Variants in RUFY1 observed in about 807,000 individuals in gnomAD.
RUFY1 encodes the protein RUN and FYVE domain-containing protein 1.
In RUFY1, 54 loss-of-function variants were observed where a neutral mutation model predicts 94.6. The observed-to-expected ratio is 0.57, with a 90% CI of 0.46 to 0.72. The LOEUF is 0.72. RUFY1 is among the 30% of genes least tolerant of loss of function. The pLI, the probability that RUFY1 is intolerant of heterozygous loss-of-function variation, is 0.00. For missense variants in RUFY1, 883 were observed against 883.9 expected, an observed-to-expected ratio of 1.00 and a Z score of 0.01; for synonymous variants, 396 against 347.3, an observed-to-expected ratio of 1.14 and a Z score of -1.56.
chr5:179,560,644 T>A (rs545407339), intron 2 of RUFY1, among the ~76,000 whole-genome samples: 38 of 144,432 alleles, frequency 2.6e-4, no homozygotes, highest in Non-Finnish European at 5.1e-4. Flanking sequence ...GAGAATGGCG[T>A]GATCCCGGGA....
At chr5:179,563,956 GC>G (rs1346837277) in intron 3 of RUFY1, among the ~76,000 whole-genome samples, 1 of 151,166 alleles carries the variant, frequency 6.6e-6, no homozygotes, top group East Asian at 2.0e-4. Flanking sequence ...ACAGGCGTGA[GC>G]CACCACACCC....
At chr5:179,563,171 T>G (rs1455631123) in intron 3 of RUFY1, among the ~76,000 whole-genome samples, 1 of 152,168 alleles carries the variant, frequency 6.6e-6, no homozygotes, top group Non-Finnish European at 1.5e-5. Flanking sequence ...AGAAAGGGTC[T>G]TAGGGATCCT....
intron 17 of RUFY1, 92 bp from the exon 18 acceptor site, chr5:179,609,284 G>A (rs1055089271): frequency 1.9e-4 from 259 of 1,355,640 alleles, no homozygotes; most frequent in Non-Finnish European, 2.4e-4. Flanking sequence ...CCCATTCCCA[G>A]CAAATGATGC....
At chr5:179,596,760 C>T (rs1235604303) in intron 13 of RUFY1, 79 bp downstream of exon 13, 6 of 936,100 alleles carry the variant, frequency 6.4e-6, no homozygotes, top group Non-Finnish European at 8.1e-6. Flanking sequence ...TGGTATCCTG[C>T]TTCAGCACGA....
At chr5:179,607,762 C>T (rs557847994) in intron 17 of RUFY1, 103 bp downstream of exon 17, 50 of 1,000,118 alleles carry the variant, frequency 5.0e-5, no homozygotes, top group Non-Finnish European at 6.1e-5. Context: ...GCTCACTGCC[C>T]GGTGACTGTG....
In RUFY1 at chr5:179,580,987, G is replaced by A. The variant is rs1764110645; in HGVS notation, c.931G>A (p.Val311Met). The change falls in exon 7 of 18, where the codon GTG becomes ATG. Residue 311 changes from valine to methionine, a missense_variant. Val to Met is a conservative substitution (Grantham distance 21). Transcript: ENST00000319449. ...TGATGTCCTTGATCAAAAAAATTAT[G>A]TGGAAGAACTTAACCGGCACTTGAG... ...ITDVLDQKNY[V>M]EELNRHLSCT... 6.2e-7 allele frequency: 1 copy of A among 1,608,658 alleles called. No individual in the cohort carries two copies. The highest frequency in any genetic ancestry group is 8.5e-7 in the Non-Finnish European group (1 of 1,176,788).
At chr5:179,577,950 A>G (rs1763787590) in intron 6 of RUFY1, among the ~76,000 whole-genome samples, 1 of 152,098 alleles carries the variant, frequency 6.6e-6, no homozygotes, top group African/African-American at 2.4e-5. Context: ...TTTTAAATAC[A>G]GAAGCAGTGC....
At chr5:179,556,872 T>A (rs1412510028) in intron 1 of RUFY1, among the ~76,000 whole-genome samples, 1 of 152,200 alleles carries the variant, frequency 6.6e-6, no homozygotes, top group Non-Finnish European at 1.5e-5. Context: ...GATGAATATA[T>A]ATGATTTACT....
intron 2 of RUFY1, among the ~76,000 whole-genome samples, chr5:179,561,043 T>G (rs969026995): frequency 6.6e-5 from 10 of 151,360 alleles, no homozygotes; most frequent in Non-Finnish European, 1.3e-4. Context: ...AAACCCTGCC[T>G]CTGCTAACAA....
chr5:179,583,722 T>C (rs1764364156), intron 7 of RUFY1, among the ~76,000 whole-genome samples: 1 of 146,964 alleles, frequency 6.8e-6, no homozygotes, highest in South Asian at 2.2e-4. Flanking sequence ...CGGCCAGTCA[T>C]TTATATTTTT....
rs1581450017 is a variant in RUFY1 at position 179,569,312 on chromosome 5, G to A, written c.715G>A (p.Glu239Lys). 1.2e-6 allele frequency: 2 copies of A among 1,613,924 alleles called. No homozygotes were observed. Among genetic ancestry groups the A allele is most frequent in the African/African-American group, 2.7e-5 (2 of 75,000 alleles). ...GTCCATCTCTTTCAGCGAGTTCTATGAGCCTGAGGCTTTAATGATGGAGGA... is the reference window on the plus strand; with the variant it reads ...GTCCATCTCTTTCAGCGAGTTCTATAAGCCTGAGGCTTTAATGATGGAGGA... Reference protein sequence around the residue: ...DNKHLLSEFYEPEALMMEEEG... With the variant: ...DNKHLLSEFYKPEALMMEEEG... The change falls in exon 5 of 18, where the codon GAG becomes AAG. Residue 239 changes from glutamate (E) to lysine (K), a missense_variant. Glu to Lys is a moderately conservative substitution (Grantham distance 56). Coordinates refer to ENST00000319449, the MANE Select transcript of RUFY1 (RefSeq NM_025158.5).
rs1291864503 is a variant in RUFY1, at chr5:179,560,542, A to AC, written c.484+347dup. On this transcript the variant is annotated intron_variant, in intron 2 of 17. Coordinates refer to ENST00000319449, the MANE Select transcript of RUFY1 (RefSeq NM_025158.5). ...AGACCATCCTGGCTAACACGGTGAA[A>AC]CCCGGTCTCTACTAAAAAAAAAAAA... Among the ~76,000 whole-genome samples, 12 of 147,866 alleles carry AC rather than the reference A, an allele frequency of 8.1e-5. 1 individual carries two copies. Among genetic ancestry groups the AC allele is most frequent in the Admixed American group, 7.5e-4 (11 of 14,738 alleles).
chr5:179,589,367 A>G lies in RUFY1; in HGVS notation c.1027-179A>G, dbSNP rs573611943. 46 of 569,776 alleles carry G rather than the reference A, an allele frequency of 8.1e-5. No homozygotes were observed. In the East Asian group the frequency reaches 1.4e-3, roughly 17 times the overall value. 35.3% of individuals were successfully genotyped at this position (569,776 alleles called of 1,614,324 possible). A position where few individuals can be genotyped will look rare whatever the true frequency, so the allele number is the denominator to read the frequency against. ...AAGGGCGGAGGAGAGATTTTACTAC[A>G]TACATTTTCATGTCTTTGGAATTTG... On this transcript the variant is annotated intron_variant, in intron 8 of 17. Coordinates refer to ENST00000319449, the MANE Select transcript of RUFY1 (RefSeq NM_025158.5).
chr5:179,552,631 A>C (rs2127500820), intron 1 of RUFY1, among the ~76,000 whole-genome samples: 1 of 152,320 alleles, frequency 6.6e-6, no homozygotes, highest in Non-Finnish European at 1.5e-5. Context: ...GACAGTCAGT[A>C]CTGAAAGTCA....
chr5:179,594,803 A>AATCC (rs1267209430), intron 11 of RUFY1, 63 bp from the exon 12 acceptor site: 1 of 950,010 alleles, frequency 1.1e-6, no homozygotes, highest in African/African-American at 1.7e-5. Context: ...CCCTGTTTGT[A>AATCC]ATCCAGAGCA....
In RUFY1 at chr5:179,577,156, TC is replaced by T; in HGVS notation, c.890+21del. On this transcript the variant is annotated intron_variant, in intron 6 of 17. Coordinates refer to ENST00000319449, the MANE Select transcript of RUFY1 (RefSeq NM_025158.5). ...CAAGGAGTAAGTACTGCGTTGTATG[TC>T]ACTTTTTTTTTTTTTTTTTTTTTTT... 9.8e-7 allele frequency: 1 copy of T among 1,021,236 alleles called. No individual in the cohort carries two copies. The highest frequency in any genetic ancestry group is 1.7e-5 in the African/African-American group (1 of 59,148). 63.3% of individuals were successfully genotyped at this position (1,021,236 alleles called of 1,614,324 possible). A position where few individuals can be genotyped will look rare whatever the true frequency, so the allele number is the denominator to read the frequency against.
chr5:179,551,623 G>T (rs1228664583), intron 1 of RUFY1, among the ~76,000 whole-genome samples: 1 of 150,488 alleles, frequency 6.6e-6, no homozygotes, highest in African/African-American at 2.5e-5. Context: ...AGCCTCCCGA[G>T]TAGCTGGGAT....
chr5:179,569,770 A>G (rs540716280), intron 5 of RUFY1, among the ~76,000 whole-genome samples: 1 of 151,982 alleles, frequency 6.6e-6, no homozygotes, highest in African/African-American at 2.4e-5. Context: ...TTTGAGACGG[A>G]GTCTCGTTGT....
chr5:179,580,921 C>G lies in RUFY1; in HGVS notation c.891-26C>G, dbSNP rs1336678649. The G allele has an allele frequency of 3.5e-6, 5 of 1,429,500 alleles. No individual in the cohort carries two copies. In the African/African-American group the frequency reaches 7.2e-5, roughly 20 times the overall value. 88.6% of individuals were successfully genotyped at this position (1,429,500 alleles called of 1,614,324 possible). A position where few individuals can be genotyped will look rare whatever the true frequency, so the allele number is the denominator to read the frequency against. Reference sequence around the variant, plus strand: ...TATTAACCATTAATAAAAAAAAGTTCTTCCTTCTTATGCTCCTTTTAAAAG... The same window carrying G: ...TATTAACCATTAATAAAAAAAAGTTGTTCCTTCTTATGCTCCTTTTAAAAG... On this transcript the variant is annotated intron_variant, in intron 6 of 17. Coordinates refer to ENST00000319449, the MANE Select transcript of RUFY1 (RefSeq NM_025158.5).
Sources: allele counts gnomAD v4.1 joint callset (sites outside exome capture counted in the v4.1 genomes callset), GRCh38; gene constraint gnomAD v4.1.1; transcripts MANE v1.5; gene names NCBI Gene and HGNC (gene_info 2026-07-23, HGNC 2026-07-21).